RANBP2: variants seen among roughly 807,000 people sequenced by gnomAD.
The protein encoded by RANBP2 is E3 SUMO-protein ligase RanBP2.
In RANBP2, 57 loss-of-function variants were observed where a neutral mutation model predicts 303.6. The ratio of observed to expected loss-of-function variants is 0.19; its 90% confidence interval spans 0.15 to 0.23. The LOEUF (loss-of-function observed/expected upper bound fraction) is 0.23. RANBP2 is among the 10% of genes least tolerant of loss of function. The pLI is 1.00. For missense variants in RANBP2, 3,138 were observed against 3,780.8 expected, an observed-to-expected ratio of 0.83 and a Z score of 4.46; for synonymous variants, 1,167 against 1,301.5, an observed-to-expected ratio of 0.90 and a Z score of 2.23.
At chr2:108,920,309 G>T in the RANBP2 span, among the ~76,000 whole-genome samples, 4 of 152,156 alleles carry the variant, frequency 2.6e-5, no homozygotes, top group African/African-American at 4.8e-5. Context: ...TTTCCCAGGG[G>T]TGATAACTTG....
chr2:108,775,865 C>G lies in RANBP2; in HGVS notation c.8426C>G (p.Ser2809Cys). Residue 2809 changes from serine (S) to cysteine (C), a missense_variant, in exon 24 of 29, where the codon TCC becomes TGC. Physicochemically the swap from Ser to Cys is moderately radical, Grantham distance 112. Coordinates refer to ENST00000283195, the MANE Select transcript of RANBP2 (RefSeq NM_006267.5). ...ITKSISSPSVSSETMDKPVDL... is the reference protein window; with the variant it reads ...ITKSISSPSVCSETMDKPVDL... The stretch of plus-strand genomic sequence containing the variant: ...AAATCCATTAGTTCACCATCTGTTT[C>G]CTCTGAAACTATGGACAAACCTGTA... 1 of 1,613,426 alleles carries G rather than the reference C, an allele frequency of 6.2e-7. No individual in the cohort carries two copies. Among genetic ancestry groups the G allele is most frequent in the Middle Eastern group, 1.7e-4 (1 of 6,058 alleles).
chr2:108,999,962 T>C, the RANBP2 span, among the ~76,000 whole-genome samples: 2 of 152,196 alleles, frequency 1.3e-5, no homozygotes, highest in African/African-American at 4.8e-5. Context: ...CCCAGGCTGC[T>C]TGCTGCCTGG....
the RANBP2 span, among the ~76,000 whole-genome samples, chr2:109,050,231 C>A: frequency 2.0e-5 from 3 of 151,794 alleles, no homozygotes; most frequent in Admixed American, 6.6e-5. Context: ...AAAACATATT[C>A]TTTGAATTAA....
the RANBP2 span, among the ~76,000 whole-genome samples, chr2:108,978,406 C>T: frequency 2.6e-5 from 4 of 152,242 alleles, no homozygotes; most frequent in Admixed American, 2.0e-4. Flanking sequence ...AAATATCAAA[C>T]TTGGTCGACT....
the RANBP2 span, among the ~76,000 whole-genome samples, chr2:109,237,051 A>G: frequency 2.0e-5 from 3 of 152,222 alleles, no homozygotes; most frequent in African/African-American, 7.2e-5. Flanking sequence ...AAGCAGTGAC[A>G]TCATCTCACT....
the RANBP2 span, among the ~76,000 whole-genome samples, chr2:109,771,648 A>G: frequency 4.9e-5 from 1 of 20,540 alleles, no homozygotes; most frequent in Non-Finnish European, 7.6e-5. Context: ...GGAACACCTG[A>G]GAAAATTCTT....
chr2:109,293,515 G>A, the RANBP2 span, among the ~76,000 whole-genome samples: 16 of 152,328 alleles, frequency 1.1e-4, no homozygotes, highest in East Asian at 3.1e-3. Flanking sequence ...CAGCCCCCAT[G>A]TCAGGCAGTC....
chr2:109,112,721 T>C, the RANBP2 span, among the ~76,000 whole-genome samples: 1 of 152,346 alleles, frequency 6.6e-6, no homozygotes, highest in African/African-American at 2.4e-5. Context: ...GCCTATGTCC[T>C]GAGTGGTAAT....
the RANBP2 span, among the ~76,000 whole-genome samples, chr2:109,093,802 T>A: frequency 9.9e-5 from 15 of 152,192 alleles, no homozygotes; most frequent in African/African-American, 4.8e-5. Flanking sequence ...TTCTTGCCAC[T>A]CTTGATGCCC....
chr2:108,915,915 T>A, the RANBP2 span, among the ~76,000 whole-genome samples: 508 of 151,428 alleles, frequency 3.4e-3, 2 homozygotes, highest in African/African-American at 0.011. Flanking sequence ...AAATAAAAAA[T>A]AAATAAAAAT....
At chr2:109,390,276 C>T in the RANBP2 span, among the ~76,000 whole-genome samples, 3 of 152,204 alleles carry the variant, frequency 2.0e-5, no homozygotes, top group African/African-American at 7.2e-5. Context: ...GGTTCATCTT[C>T]AGGTAAAATT....
the RANBP2 span, among the ~76,000 whole-genome samples, chr2:109,482,829 A>G: frequency 2.0e-4 from 31 of 152,204 alleles, no homozygotes; most frequent in Non-Finnish European, 5.9e-5. Flanking sequence ...CACCAAAAAC[A>G]AGCTAGAGAA....
At chr2:109,281,652 G>A in the RANBP2 span, among the ~76,000 whole-genome samples, 4 of 152,182 alleles carry the variant, frequency 2.6e-5, no homozygotes, top group African/African-American at 7.2e-5. Flanking sequence ...AGTGTTTAGA[G>A]TGAGCAGCTG....
the RANBP2 span, among the ~76,000 whole-genome samples, chr2:109,351,601 C>T: frequency 1.3e-5 from 2 of 152,240 alleles, no homozygotes; most frequent in African/African-American, 2.4e-5. Context: ...GCAGGGCCCA[C>T]GCTGCTTTTC....
chr2:109,624,765 C>A, the RANBP2 span, among the ~76,000 whole-genome samples: 61 of 152,124 alleles, frequency 4.0e-4, no homozygotes, highest in Non-Finnish European at 7.6e-4. Flanking sequence ...GGCCTTGGAA[C>A]CAGCAGTATC....
At chr2:109,194,773 C>G in the RANBP2 span, among the ~76,000 whole-genome samples, 1 of 152,150 alleles carries the variant, frequency 6.6e-6, no homozygotes, top group Non-Finnish European at 1.5e-5. Flanking sequence ...AAGCTCTGCC[C>G]AGAATGTGGT....
At chr2:108,875,319 TAAAAAAA>T in the RANBP2 span, among the ~76,000 whole-genome samples, 6 of 118,492 alleles carry the variant, frequency 5.1e-5, no homozygotes, top group South Asian at 2.5e-4. Flanking sequence ...TAAAGTATAA[TAAAAAAA>T]AAAAAAAAAA....
chr2:108,942,508 C>T, the RANBP2 span, among the ~76,000 whole-genome samples: 3 of 152,360 alleles, frequency 2.0e-5, no homozygotes, highest in East Asian at 5.8e-4. Context: ...CCAGGTGAAC[C>T]ACGATGAACC....
chr2:108,856,808 C>G, the RANBP2 span: 1 of 1,613,108 alleles, frequency 6.2e-7, no homozygotes, highest in Non-Finnish European at 8.5e-7. Flanking sequence ...TTACCTGGCT[C>G]AGGCATTTGA....
Sources: allele counts gnomAD v4.1 joint callset (sites outside exome capture counted in the v4.1 genomes callset), GRCh38; gene constraint gnomAD v4.1.1; transcripts MANE v1.5; gene names NCBI Gene and HGNC (gene_info 2026-07-23, HGNC 2026-07-21).